KCNQ5: variants seen among roughly 807,000 people sequenced by gnomAD.
KCNQ5 encodes the protein potassium voltage-gated channel subfamily KQT member 5.
In KCNQ5, 30 loss-of-function variants were observed where a neutral mutation model predicts 98.2. The ratio of observed to expected loss-of-function variants is 0.31; its 90% CI spans 0.23 to 0.41. The LOEUF (loss-of-function observed/expected upper bound fraction) is 0.41. KCNQ5 is among the 10% of genes least tolerant of loss of function. The probability of loss-of-function intolerance (pLI) is 1.00; values close to 1 mark genes in which losing one functional copy is unlikely to be tolerated. For synonymous variants in KCNQ5, 458 were observed against 449.4 expected (o/e 1.02, Z -0.24); for missense variants, 835 against 1,182.5 (o/e 0.71, Z 4.31).
At chr6:73,098,534 G>T (rs534537028) in intron 5 of KCNQ5, among the ~76,000 whole-genome samples, 1 of 152,272 alleles carries the variant, frequency 6.6e-6, no homozygotes, top group South Asian at 2.1e-4. Flanking sequence ...GTGCAATGGA[G>T]CTCCAATACA....
chr6:73,059,337 C>A (rs949660919), intron 3 of KCNQ5, among the ~76,000 whole-genome samples: 2 of 152,170 alleles, frequency 1.3e-5, no homozygotes, highest in African/African-American at 2.4e-5. Context: ...CACATGTTCT[C>A]ACTTACAAGT....
intron 3 of KCNQ5, among the ~76,000 whole-genome samples, chr6:73,069,063 G>A (rs947524317): frequency 2.0e-5 from 3 of 151,996 alleles, no homozygotes; most frequent in Admixed American, 6.6e-5. Context: ...GAATAAAATG[G>A]TACCTTTCTA....
At chr6:72,918,260 CT>C (rs1780249293) in intron 1 of KCNQ5, among the ~76,000 whole-genome samples, 1 of 152,072 alleles carries the variant, frequency 6.6e-6, no homozygotes, top group Non-Finnish European at 1.5e-5. Context: ...TCCAGCTTGT[CT>C]TTGTTTAAAC....
chr6:72,794,586 A>G (rs898532228), intron 1 of KCNQ5, among the ~76,000 whole-genome samples: 1 of 152,180 alleles, frequency 6.6e-6, no homozygotes, highest in African/African-American at 2.4e-5. Flanking sequence ...ATTTTACTAT[A>G]TATAACATTT....
intron 1 of KCNQ5, among the ~76,000 whole-genome samples, chr6:72,937,037 A>C (rs536414316): frequency 6.6e-6 from 1 of 152,372 alleles, no homozygotes; most frequent in African/African-American, 2.4e-5. Context: ...GAGAGTACAA[A>C]CAAAATAGCT....
rs556575865 is a variant in KCNQ5, at chr6:72,729,200, G to T, written c.398+106613G>T. On this transcript the variant is annotated intron_variant, in intron 1 of 13. Transcript: ENST00000370398. ...TGTTTTTCCATTACAGATAATTGTTGCAATGACTAATCTTGTACGTGTGTC... is the reference window on the plus strand; with the variant it reads ...TGTTTTTCCATTACAGATAATTGTTTCAATGACTAATCTTGTACGTGTGTC... Among the ~76,000 whole-genome samples the T allele has an allele frequency of 1.3e-3, 191 of 152,208 alleles. 1 individual carries two copies. In the Middle Eastern group the frequency reaches 0.014, roughly 11 times the overall value.
At chr6:72,662,467 T>G (rs1467258819) in intron 1 of KCNQ5, among the ~76,000 whole-genome samples, 1 of 152,136 alleles carries the variant, frequency 6.6e-6, no homozygotes, top group Non-Finnish European at 1.5e-5. Context: ...GAAAAGCAGA[T>G]GTGAATCAGC....
At position 73,069,874 on chromosome 6, in the gene KCNQ5, G is replaced by A. The variant is rs113425442; in HGVS notation, c.617-7448G>A. Reference sequence around the variant, plus strand: ...ATCATCTTAACATTTTCATGTGGTAGTAGAATACAAAGTGGTTTAGAGAAA... The same window carrying A: ...ATCATCTTAACATTTTCATGTGGTAATAGAATACAAAGTGGTTTAGAGAAA... On this transcript the variant is annotated intron_variant, in intron 3 of 13. Transcript: ENST00000370398. Among the ~76,000 whole-genome samples, 607 of 152,302 alleles carry A rather than the reference G, an allele frequency of 4.0e-3. 6 individuals carry two copies. Among genetic ancestry groups the A allele is most frequent in the Middle Eastern group, 0.031 (9 of 292 alleles).
chr6:72,887,635 G>A (rs1168813122), intron 1 of KCNQ5, among the ~76,000 whole-genome samples: 1 of 152,126 alleles, frequency 6.6e-6, no homozygotes, highest in Non-Finnish European at 1.5e-5. Flanking sequence ...TGATAGTGGT[G>A]GTGATTAAAG....
chr6:72,647,955 T>C (rs192758446), intron 1 of KCNQ5, among the ~76,000 whole-genome samples: 105 of 152,248 alleles, frequency 6.9e-4, no homozygotes, highest in Admixed American at 1.6e-3. Context: ...ATTGAAGACC[T>C]ATTAAGTATA....
At chr6:72,931,945 C>A (rs1408590890) in intron 1 of KCNQ5, among the ~76,000 whole-genome samples, 6 of 152,052 alleles carry the variant, frequency 3.9e-5, no homozygotes, top group Admixed American at 3.9e-4. Context: ...GTAAGCTCTC[C>A]CTCACTTGAC....
chr6:72,687,014 G>A (rs1767993284), intron 1 of KCNQ5, among the ~76,000 whole-genome samples: 1 of 152,102 alleles, frequency 6.6e-6, no homozygotes, highest in African/African-American at 2.4e-5. Context: ...TAGAATGTGT[G>A]TGTGTAAGTA....
intron 5 of KCNQ5, among the ~76,000 whole-genome samples, chr6:73,090,277 T>C (rs1489695087): frequency 6.6e-6 from 1 of 152,118 alleles, no homozygotes; most frequent in Non-Finnish European, 1.5e-5. Flanking sequence ...TTCATGTTGA[T>C]TTGTTTGAGT....
At chr6:72,900,463 T>G (rs1779446675) in intron 1 of KCNQ5, among the ~76,000 whole-genome samples, 1 of 141,980 alleles carries the variant, frequency 7.0e-6, no homozygotes, top group Non-Finnish European at 1.5e-5. Context: ...ATATGATTTA[T>G]TTTATATATA....
At chr6:72,751,985 A>G (rs1771707700) in intron 1 of KCNQ5, among the ~76,000 whole-genome samples, 1 of 152,134 alleles carries the variant, frequency 6.6e-6, no homozygotes, top group Admixed American at 6.6e-5. Context: ...TCAAATGTAC[A>G]TCTTTTGCCT....
At position 73,145,801 on chromosome 6, in the gene KCNQ5, G is replaced by C. The variant is rs149732241; in HGVS notation, c.1468+12160G>C. ...GAGACTGGGTGATTTATAAAGAAAA[G>C]TTTAATTGACTCACAGTTCCACAAC... On this transcript the variant is annotated intron_variant, in intron 10 of 13. Coordinates refer to ENST00000370398, the MANE Select transcript of KCNQ5 (RefSeq NM_019842.4). Among the ~76,000 whole-genome samples the C allele has an allele frequency of 2.8e-3, 429 of 152,274 alleles. 3 individuals carry two copies. The highest frequency in any genetic ancestry group is 8.7e-3 in the African/African-American group (362 of 41,552).
At chr6:73,188,982 C>CAAAAAAAAAAAA (rs67431655) in intron 11 of KCNQ5, among the ~76,000 whole-genome samples, 1 of 82,426 alleles carries the variant, frequency 1.2e-5, no homozygotes, top group Non-Finnish European at 2.4e-5. Context: ...GACTCTGTCT[C>CAAAAAAAAAAAA]AAAAAAAAAA....
chr6:72,910,937 A>G (rs753418528), intron 1 of KCNQ5, among the ~76,000 whole-genome samples: 20 of 152,228 alleles, frequency 1.3e-4, no homozygotes, highest in Non-Finnish European at 1.5e-4. Context: ...GCAAGGGAGG[A>G]TAAGTGAAAG....
At position 73,015,223 on chromosome 6, in the gene KCNQ5, A is replaced by G. The variant is rs187104094; in HGVS notation, c.489+11225A>G. On this transcript the variant is annotated intron_variant, in intron 2 of 13. Coordinates refer to ENST00000370398, the MANE Select transcript of KCNQ5 (RefSeq NM_019842.4). Reference sequence around the variant, plus strand: ...TGCAGAAAGCTCTCAGAATATCCCAATGAACATTGAAAACTGCAGTTATTT... The same window carrying G: ...TGCAGAAAGCTCTCAGAATATCCCAGTGAACATTGAAAACTGCAGTTATTT... 2.0e-4 allele frequency among the ~76,000 whole-genome samples: 31 copies of G among 152,232 alleles called. No homozygotes were observed. In the East Asian group the frequency reaches 5.6e-3, roughly 27 times the overall value.
Sources: allele counts gnomAD v4.1 joint callset (sites outside exome capture counted in the v4.1 genomes callset), GRCh38; gene constraint gnomAD v4.1.1; transcripts MANE v1.5; gene names NCBI Gene and HGNC (gene_info 2026-07-23, HGNC 2026-07-21).